ACER3: variants seen among roughly 807,000 people sequenced by gnomAD.
The protein encoded by ACER3 is alkCDase 3.
ACER3 carries 16 observed loss-of-function variants against 48.9 expected under a neutral mutation model. The ratio of observed to expected loss-of-function variants is 0.33; its 90% CI spans 0.22 to 0.50. The LOEUF is 0.50. ACER3 is among the 20% of genes least tolerant of loss of function. The pLI is 0.98. For synonymous variants in ACER3, 109 were observed against 107.8 expected (o/e 1.01, Z -0.07); for missense variants, 227 against 326.0 (o/e 0.70, Z 2.34).
chr11:76,924,471 T>C (rs1172362913), intron 1 of ACER3, among the ~76,000 whole-genome samples: 2 of 152,128 alleles, frequency 1.3e-5, no homozygotes, highest in Admixed American at 6.5e-5. Context: ...CCCAAAGTGC[T>C]AAGATTACAA....
chr11:77,005,465 C>T (rs759535024), intron 7 of ACER3, among the ~76,000 whole-genome samples: 1 of 152,042 alleles, frequency 6.6e-6, no homozygotes, highest in Non-Finnish European at 1.5e-5. Flanking sequence ...CTAGGGCCAC[C>T]ATGACAAAGT....
At chr11:76,961,685 G>C (rs995656014) in intron 3 of ACER3, among the ~76,000 whole-genome samples, 4 of 150,782 alleles carry the variant, frequency 2.7e-5, no homozygotes, top group African/African-American at 9.8e-5. Context: ...GCCAAATATG[G>C]GGCAATTTGA....
At chr11:76,984,972 C>T (rs1360311306) in intron 4 of ACER3, among the ~76,000 whole-genome samples, 4 of 152,126 alleles carry the variant, frequency 2.6e-5, no homozygotes, top group Non-Finnish European at 5.9e-5. Context: ...TTCCCCCTTC[C>T]CTCTTTTTGC....
At chr11:76,901,461 A>G (rs1025062813) in intron 1 of ACER3, among the ~76,000 whole-genome samples, 15 of 152,244 alleles carry the variant, frequency 9.9e-5, no homozygotes, top group African/African-American at 3.4e-4. Context: ...CTTTATAGAT[A>G]AGGGCAGTCC....
At chr11:76,966,533 T>C (rs1442437932) in intron 3 of ACER3, among the ~76,000 whole-genome samples, 2 of 150,996 alleles carry the variant, frequency 1.3e-5, no homozygotes, top group East Asian at 3.9e-4. Flanking sequence ...ACCACCCCTA[T>C]TCCAAAATTG....
At chr11:76,988,058 G>C (rs1948720409) in intron 5 of ACER3, among the ~76,000 whole-genome samples, 1 of 152,210 alleles carries the variant, frequency 6.6e-6, no homozygotes, top group Admixed American at 6.5e-5. Flanking sequence ...AAGAAAGCTA[G>C]GAGAGCCTGA....
intron 7 of ACER3, among the ~76,000 whole-genome samples, chr11:77,003,196 A>G (rs1356126410): frequency 6.6e-6 from 1 of 152,236 alleles, no homozygotes. Context: ...AGCTTCTTTA[A>G]TAGTCATGCC....
At chr11:76,973,377 C>A (rs1948358627) in intron 3 of ACER3, among the ~76,000 whole-genome samples, 1 of 152,198 alleles carries the variant, frequency 6.6e-6, no homozygotes, top group Non-Finnish European at 1.5e-5. Context: ...GGGACTGCTG[C>A]AGTAGCCTGG....
intron 1 of ACER3, among the ~76,000 whole-genome samples, chr11:76,884,125 C>A (rs779587897): frequency 7.9e-5 from 12 of 152,130 alleles, no homozygotes; most frequent in Non-Finnish European, 1.8e-4. Context: ...CCTATTAGTT[C>A]TTTTCTCAGC....
In ACER3 at chr11:76,989,836, T is replaced by C. The variant is rs113148612; in HGVS notation, c.403-703T>C. On this transcript the variant is annotated intron_variant, in intron 5 of 10. Coordinates refer to ENST00000532485, the MANE Select transcript of ACER3 (RefSeq NM_018367.7). ...ATGTCATTTAAAAACTGTACTCCTG[T>C]AGGGCAATACATGCATGTTAAATCT... 5.8e-4 allele frequency among the ~76,000 whole-genome samples: 88 copies of C among 152,342 alleles called. 1 individual carries two copies. Among genetic ancestry groups the C allele is most frequent in the African/African-American group, 2.0e-3 (84 of 41,588 alleles).
intron 3 of ACER3, among the ~76,000 whole-genome samples, chr11:76,970,486 T>A (rs1948269297): frequency 6.6e-6 from 1 of 152,142 alleles, no homozygotes; most frequent in Admixed American, 6.5e-5. Flanking sequence ...ACTGATGAAG[T>A]GTTCCAGATA....
intron 4 of ACER3, among the ~76,000 whole-genome samples, chr11:76,977,529 T>C (rs1948472498): frequency 6.6e-6 from 1 of 152,236 alleles, no homozygotes; most frequent in Non-Finnish European, 1.5e-5. Flanking sequence ...CTTCTCTAAA[T>C]GTTGGACAAG....
intron 4 of ACER3, among the ~76,000 whole-genome samples, chr11:76,979,623 A>G (rs1372664426): frequency 1.3e-5 from 2 of 152,086 alleles, no homozygotes; most frequent in Non-Finnish European, 2.9e-5. Flanking sequence ...ACTACACTCC[A>G]GCCTGGGTGA....
chr11:76,871,610 G>A (rs1315261636), intron 1 of ACER3, among the ~76,000 whole-genome samples: 1 of 152,154 alleles, frequency 6.6e-6, no homozygotes, highest in Non-Finnish European at 1.5e-5. Flanking sequence ...AGAGACCAAG[G>A]TTCTTATTAT....
chr11:76,896,490 C>A (rs1434901789), intron 1 of ACER3, among the ~76,000 whole-genome samples: 5 of 151,146 alleles, frequency 3.3e-5, no homozygotes, highest in Admixed American at 3.3e-4. Context: ...GAAACCCTGT[C>A]TTAAAAAAAA....
intron 1 of ACER3, among the ~76,000 whole-genome samples, chr11:76,887,193 G>T (rs1305818451): frequency 6.6e-6 from 1 of 152,154 alleles, no homozygotes; most frequent in African/African-American, 2.4e-5. Flanking sequence ...GGTTGAGGCT[G>T]CAGTGAGCCA....
chr11:76,977,602 C>T (rs1331695938), intron 4 of ACER3, among the ~76,000 whole-genome samples: 1 of 152,232 alleles, frequency 6.6e-6, no homozygotes, highest in Non-Finnish European at 1.5e-5. Context: ...GACCCACATG[C>T]CTGAGTCAGG....
At chr11:76,971,078 A>G (rs1423141081) in intron 3 of ACER3, among the ~76,000 whole-genome samples, 4 of 152,198 alleles carry the variant, frequency 2.6e-5, no homozygotes, top group Non-Finnish European at 5.9e-5. Context: ...ATTCCATTGT[A>G]TGGATATGCC....
At chr11:76,871,760 A>G (rs1945246010) in intron 1 of ACER3, among the ~76,000 whole-genome samples, 1 of 152,220 alleles carries the variant, frequency 6.6e-6, no homozygotes, top group Non-Finnish European at 1.5e-5. Context: ...GGAATTCTCT[A>G]TAGAATGTAA....
Sources: gnomAD v4.1 joint callset for allele counts (sites outside exome capture counted in the v4.1 genomes callset) on GRCh38, gnomAD v4.1.1 for gene constraint, MANE v1.5 for transcripts, NCBI Gene and HGNC (gene_info 2026-07-23, HGNC 2026-07-21) for gene names.